HHAT: variants seen among roughly 807,000 people sequenced by gnomAD.
The protein encoded by HHAT is hedgehog acyltransferase.
A neutral mutation model predicts 70.8 loss-of-function variants in HHAT; 47 were observed. That is an observed-to-expected ratio of 0.66 (90% confidence interval 0.53 to 0.85). The LOEUF is 0.85. HHAT is among the 40% of genes least tolerant of loss of function. HHAT has a pLI of 0.00. For synonymous variants in HHAT, 228 were observed against 247.6 expected, an observed-to-expected ratio of 0.92 and a Z score of 0.74; for missense variants, 609 against 604.8, an observed-to-expected ratio of 1.01 and a Z score of -0.07.
At chr1:210,530,648 G>C (rs539668649) in intron 9 of HHAT, among the ~76,000 whole-genome samples, 2 of 152,118 alleles carry the variant, frequency 1.3e-5, no homozygotes, top group African/African-American at 4.8e-5. Context: ...GACTTTGCAC[G>C]GACTTGAGTG....
intron 11 of HHAT, among the ~76,000 whole-genome samples, chr1:210,626,054 A>G (rs566546589): frequency 6.6e-6 from 1 of 152,324 alleles, no homozygotes; most frequent in Admixed American, 6.5e-5. Context: ...GTTGGAGAAG[A>G]TGGTGGGACC....
chr1:210,635,766 T>C (rs931971295), intron 11 of HHAT, among the ~76,000 whole-genome samples: 1 of 152,206 alleles, frequency 6.6e-6, no homozygotes, highest in African/African-American at 2.4e-5. Context: ...TCACTCCAGA[T>C]TTCCCCTCTG....
At chr1:210,642,871 C>T (rs1673242804) in intron 11 of HHAT, among the ~76,000 whole-genome samples, 1 of 151,982 alleles carries the variant, frequency 6.6e-6, no homozygotes. Flanking sequence ...CAGTGAGTTC[C>T]TTCATTGTTA....
At chr1:210,330,350 C>T (rs1201924321) in intron 1 of HHAT, among the ~76,000 whole-genome samples, 1 of 152,138 alleles carries the variant, frequency 6.6e-6, no homozygotes, top group Non-Finnish European at 1.5e-5. Flanking sequence ...TACATTATTT[C>T]TAAACCTTAC....
intron 9 of HHAT, among the ~76,000 whole-genome samples, chr1:210,566,300 A>G (rs1429807788): frequency 6.6e-6 from 1 of 152,178 alleles, no homozygotes; most frequent in Non-Finnish European, 1.5e-5. Flanking sequence ...TCTATATTCA[A>G]TATTTGTAGT....
intron 2 of HHAT, among the ~76,000 whole-genome samples, chr1:210,351,626 T>C (rs1016398758): frequency 1.3e-5 from 2 of 152,222 alleles, no homozygotes; most frequent in Non-Finnish European, 2.9e-5. Flanking sequence ...GCTGCAGTCA[T>C]CTGGTGGCTC....
intron 7 of HHAT, chr1:210,462,853 G>C (rs563358732): frequency 6.6e-6 from 1 of 152,316 alleles, no homozygotes; most frequent in African/African-American, 2.4e-5. Flanking sequence ...TCCTAGTGTA[G>C]CATCAAGGAG....
intron 8 of HHAT, among the ~76,000 whole-genome samples, chr1:210,465,744 A>T (rs1441781542): frequency 3.9e-5 from 6 of 152,224 alleles, no homozygotes; most frequent in Non-Finnish European, 7.3e-5. Flanking sequence ...CAACATCCTG[A>T]TTTTTCATAG....
chr1:210,541,521 GTT>G, intron 9 of HHAT, among the ~76,000 whole-genome samples: 1 of 152,292 alleles, frequency 6.6e-6, no homozygotes, highest in Non-Finnish European at 1.5e-5. Context: ...GAGGTCAGGA[GTT>G]TGAGACTAGC....
In HHAT at chr1:210,539,396, A is replaced by G. The variant is rs1465456761; in HGVS notation, c.1043+26208A>G. Among the ~76,000 whole-genome samples the G allele has an allele frequency of 2.6e-5, 4 of 152,238 alleles. No individual in the cohort carries two copies. The East Asian group carries it at 5.8e-4, about 22-fold the overall frequency. ...CCTGCCCTGGACAAGCCCTCTTCTC[A>G]CAGAATAGTCTTGACCTGGAAGGAC... is the stretch of plus-strand genomic sequence containing the variant. On this transcript the variant is annotated intron_variant, in intron 9 of 11. Transcript: ENST00000261458.
intron 9 of HHAT, among the ~76,000 whole-genome samples, chr1:210,577,197 T>G (rs1657999249): frequency 6.6e-6 from 1 of 152,204 alleles, no homozygotes; most frequent in Non-Finnish European, 1.5e-5. Flanking sequence ...CTGATTACTC[T>G]GGCTAGTATT....
At chr1:210,517,067 C>T (rs2095069161) in intron 9 of HHAT, among the ~76,000 whole-genome samples, 1 of 152,116 alleles carries the variant, frequency 6.6e-6, no homozygotes, top group Non-Finnish European at 1.5e-5. Context: ...CACAACTCAC[C>T]TAGGGATGGC....
chr1:210,674,170 C>T (rs1262560798), intron 11 of HHAT, 118 bp from the exon 12 acceptor site: 7 of 768,860 alleles, frequency 9.1e-6, no homozygotes, highest in African/African-American at 1.7e-5. Context: ...AGCAGACTTT[C>T]CTGGAGGCCT....
intron 11 of HHAT, among the ~76,000 whole-genome samples, chr1:210,639,021 T>G (rs1479527519): frequency 1.3e-5 from 2 of 152,228 alleles, no homozygotes; most frequent in Non-Finnish European, 2.9e-5. Flanking sequence ...TTATGTGATA[T>G]GCAAATCTTA....
intron 11 of HHAT, among the ~76,000 whole-genome samples, chr1:210,655,713 T>C (rs1440713023): frequency 2.6e-5 from 4 of 152,194 alleles, no homozygotes; most frequent in Non-Finnish European, 5.9e-5. Context: ...CAGGTAAATA[T>C]CCTCATGAGT....
In HHAT at chr1:210,580,410, G is replaced by A. The variant is rs557298023; in HGVS notation, c.1044-7488G>A. Among the ~76,000 whole-genome samples, 510 of 150,302 alleles carry A rather than the reference G, an allele frequency of 3.4e-3. 4 individuals are homozygous for A. Among genetic ancestry groups the A allele is most frequent in the African/African-American group, 0.012 (474 of 40,918 alleles). ...AAAAGGGGGGATACGTGTACAGAAC[G>A]TGCAGGTTTGTTACATAGGTATACG... On this transcript the variant is annotated intron_variant, in intron 9 of 11. Transcript: ENST00000261458.
intron 10 of HHAT, among the ~76,000 whole-genome samples, chr1:210,612,715 C>T (rs886669273): frequency 1.3e-5 from 2 of 152,042 alleles, no homozygotes; most frequent in Non-Finnish European, 2.9e-5. Flanking sequence ...TTTTGAGAAA[C>T]CTATATACCG....
chr1:210,549,727 G>C (rs187620231), intron 9 of HHAT, among the ~76,000 whole-genome samples: 1 of 149,032 alleles, frequency 6.7e-6, no homozygotes, highest in East Asian at 2.2e-4. Context: ...GGGTACAGTG[G>C]TGTACGCCTG....
rs1049569657 is a variant in HHAT, at chr1:210,421,725, A to G, written c.856+3400A>G. Among the ~76,000 whole-genome samples, 5 of 152,312 alleles carry G rather than the reference A, an allele frequency of 3.3e-5. No homozygotes were observed. In the East Asian group the frequency reaches 9.6e-4, roughly 29 times the overall value. On this transcript the variant is annotated intron_variant, in intron 7 of 11. Transcript: ENST00000261458. ...CTCCCAAATTGCTGGGATTACAGCT[A>G]TGAGCCACTGTGCCTGGCCTGGTAT... is the stretch of plus-strand genomic sequence containing the variant.
Sources: allele counts gnomAD v4.1 joint callset (sites outside exome capture counted in the v4.1 genomes callset), GRCh38; gene constraint gnomAD v4.1.1; transcripts MANE v1.5; gene names NCBI Gene and HGNC (gene_info 2026-07-23, HGNC 2026-07-21).